RCN2: variants seen among roughly 807,000 people sequenced by gnomAD.
The protein encoded by RCN2 is reticulocalbin 2.
Under a neutral mutation model 37.5 loss-of-function variants are expected in RCN2, and 23 were observed. That is an observed-to-expected ratio of 0.61 (90% CI 0.44 to 0.87). RCN2 has a LOEUF of 0.87. Among genes scored for constraint, RCN2 ranks in the 40% least tolerant of loss-of-function variants. The probability of loss-of-function intolerance (pLI) is 0.00; values close to 1 mark genes in which losing one functional copy is unlikely to be tolerated. For synonymous variants in RCN2, 140 were observed against 144.6 expected, an observed-to-expected ratio of 0.97 and a Z score of 0.23; for missense variants, 381 against 390.4, an observed-to-expected ratio of 0.98 and a Z score of 0.20.
At position 76,950,745 on chromosome 15, in the gene RCN2, A is replaced by G. The variant is rs1438748384; in HGVS notation, c.*1523A>G. The G allele has an allele frequency of 6.6e-6, 1 of 152,104 alleles. No homozygotes were observed. The highest frequency in any genetic ancestry group is 1.5e-5 in the Non-Finnish European group (1 of 68,012). The allele number at this position is 152,104 out of a possible 1,614,324, so 9.4% of individuals were successfully genotyped here. Reference sequence around the variant, plus strand: ...TTGTGGGTGAAGAGGTCAGCTATGCATTCTCTTAATCACTTTCCAGCCTAA... The same window carrying G: ...TTGTGGGTGAAGAGGTCAGCTATGCGTTCTCTTAATCACTTTCCAGCCTAA... On this transcript the variant is annotated 3_prime_UTR_variant, in exon 7 of 7. Coordinates refer to ENST00000394885, the MANE Select transcript of RCN2 (RefSeq NM_002902.3).
rs939735986 is a variant in RCN2, at chr15:76,949,435, A to G, written c.*213A>G. ...TGTATTGAAGCAACAAAATATTAAT[A>G]TTGTGCCATATGACAACAAAGTCTT... On this transcript the variant is annotated 3_prime_UTR_variant, in exon 7 of 7. Transcript: ENST00000394885. 7.8e-6 allele frequency: 3 copies of G among 383,412 alleles called. No homozygotes were observed. The highest frequency in any genetic ancestry group is 4.2e-5 in the African/African-American group (2 of 48,106). 23.8% of individuals were successfully genotyped at this position (383,412 alleles called of 1,614,324 possible).
At chr15:76,946,596 A>G (rs1293435135) in intron 4 of RCN2, among the ~76,000 whole-genome samples, 1 of 152,228 alleles carries the variant, frequency 6.6e-6, no homozygotes, top group African/African-American at 2.4e-5. Flanking sequence ...TACTAAAAAT[A>G]TAAAAGTTAG....
At chr15:76,937,773 T>A (rs1173428989) in intron 3 of RCN2, among the ~76,000 whole-genome samples, 1 of 152,208 alleles carries the variant, frequency 6.6e-6, no homozygotes, top group Non-Finnish European at 1.5e-5. Flanking sequence ...TGGTTTAATT[T>A]GTTGAAATAT....
chr15:76,953,577 ATATATATATATATATATTTTTTTTTTT>A lies in RCN2; in HGVS notation c.*4357_*4383del, dbSNP rs2075332418. ...ATTCTATATATATATATATATATATATATATATATATATATATTTTTTTTTTTTTTTTTTTTTTTTTTTTTTTTGAGA... is the reference window on the plus strand; with the variant it reads ...ATTCTATATATATATATATATATATATTTTTTTTTTTTTTTTTTTTTGAGA... On this transcript the variant is annotated 3_prime_UTR_variant, in exon 7 of 7. Transcript: ENST00000394885. 1 of 16,956 alleles carries A rather than the reference ATATATATATATATATATTTTTTTTTTT, an allele frequency of 5.9e-5. No individual in the cohort carries two copies. Among genetic ancestry groups the A allele is most frequent in the African/African-American group, 2.5e-4 (1 of 3,944 alleles). The allele number at this position is 16,956 out of a possible 1,614,324, so 1.1% of individuals were successfully genotyped here. A position where few individuals can be genotyped will look rare whatever the true frequency, so the allele number is the denominator to read the frequency against.
chr15:76,941,734 T>A, intron 3 of RCN2: 1 of 1,060,634 alleles, frequency 9.4e-7, no homozygotes, highest in Non-Finnish European at 1.3e-6. Context: ...CCGTGAAATG[T>A]GAACCAGAAA....
chr15:76,942,507 A>T (rs539373455), intron 3 of RCN2: 2 of 152,296 alleles, frequency 1.3e-5, no homozygotes, highest in South Asian at 2.1e-4. Flanking sequence ...AATCATTTTT[A>T]AAAAGGGGGG....
intron 3 of RCN2, among the ~76,000 whole-genome samples, chr15:76,938,087 A>G (rs1840792695): frequency 6.6e-6 from 1 of 152,222 alleles, no homozygotes; most frequent in Admixed American, 6.5e-5. Context: ...TTTTTTTAAG[A>G]TAGTTTTTAT....
chr15:76,932,220 G>C (rs959686930), intron 1 of RCN2, 141 bp from the exon 2 acceptor site: 2 of 744,896 alleles, frequency 2.7e-6, no homozygotes, highest in African/African-American at 3.5e-5. Context: ...GGGTGTGTAG[G>C]GGGTAGGGGC....
In RCN2 at chr15:76,949,228, G is replaced by A. The variant is rs371890911; in HGVS notation, c.*6G>A. ...TCTATCATGATGAGCTTTAATCTCT[G>A]AGCCTGTCTCAGTAGAGTACTGGCT... On this transcript the variant is annotated 3_prime_UTR_variant, in exon 7 of 7. Coordinates refer to ENST00000394885, the MANE Select transcript of RCN2 (RefSeq NM_002902.3). 662 of 1,588,962 alleles carry A rather than the reference G, an allele frequency of 4.2e-4. 1 individual carries two copies. The highest frequency in any genetic ancestry group is 1.2e-3 in the South Asian group (103 of 86,932).
chr15:76,942,474 A>G (rs2075279889), intron 3 of RCN2: 1 of 152,340 alleles, frequency 6.6e-6, no homozygotes, highest in East Asian at 1.9e-4. Context: ...TATCAAAAGC[A>G]GCCTTGTCCC....
chr15:76,953,690 C>T lies in RCN2; in HGVS notation c.*4468C>T, dbSNP rs541499224. The T allele has an allele frequency of 2.1e-5, 3 of 140,760 alleles. No individual in the cohort carries two copies. The Admixed American group carries it at 2.2e-4, about 10-fold the overall frequency. The allele number at this position is 140,760 out of a possible 1,614,324, so 8.7% of individuals were successfully genotyped here. A position where few individuals can be genotyped will look rare whatever the true frequency, so the allele number is the denominator to read the frequency against. Reference sequence around the variant, plus strand: ...TGGCGCGATCTCGGCTCACTGCAGGCTCCGCCTCCCGGGTTCACACCATTC... The same window carrying T: ...TGGCGCGATCTCGGCTCACTGCAGGTTCCGCCTCCCGGGTTCACACCATTC... On this transcript the variant is annotated 3_prime_UTR_variant, in exon 7 of 7. Transcript: ENST00000394885.
At chr15:76,938,112 A>G (rs1237722681) in intron 3 of RCN2, among the ~76,000 whole-genome samples, 3 of 152,198 alleles carry the variant, frequency 2.0e-5, no homozygotes, top group Admixed American at 6.5e-5. Context: ...AGAAAAACAT[A>G]AAAATAAAAT....
At chr15:76,949,049 C>G in intron 6 of RCN2, 21 bp from the exon 7 acceptor site, 2 of 1,579,334 alleles carry the variant, frequency 1.3e-6, no homozygotes, top group South Asian at 1.2e-5. Flanking sequence ...ACACTTGACA[C>G]TTTTTTGTTT....
At position 76,940,214 on chromosome 15, in the gene RCN2, C is replaced by T. The variant is rs182446514; in HGVS notation, c.448-3544C>T. The stretch of plus-strand genomic sequence containing the variant: ...AACTTCCTGTGTGTATGTGTAGTCC[C>T]AGCTGCTCAGGAGGCTGAAGTAGGA... On this transcript the variant is annotated intron_variant, in intron 3 of 6. Coordinates refer to ENST00000394885, the MANE Select transcript of RCN2 (RefSeq NM_002902.3). Among the ~76,000 whole-genome samples the T allele has an allele frequency of 1.5e-3, 220 of 151,554 alleles. 7 individuals carry two copies. In the East Asian group the frequency reaches 0.033, roughly 23 times the overall value.
intron 4 of RCN2, among the ~76,000 whole-genome samples, chr15:76,946,536 G>C (rs1311493612): frequency 1.3e-5 from 2 of 152,226 alleles, no homozygotes; most frequent in Non-Finnish European, 2.9e-5. Context: ...CAGATCATCC[G>C]AGGTTAGGAG....
chr15:76,953,584 TA>T lies in RCN2; in HGVS notation c.*4363del, dbSNP rs1568463519. 20 of 23,230 alleles carry T rather than the reference TA, an allele frequency of 8.6e-4. No homozygotes were observed. The highest frequency in any genetic ancestry group is 1.3e-3 in the Non-Finnish European group (14 of 11,056). The allele number at this position is 23,230 out of a possible 1,614,324, so 1.4% of individuals were successfully genotyped here. A position where few individuals can be genotyped will look rare whatever the true frequency, so the allele number is the denominator to read the frequency against. On this transcript the variant is annotated 3_prime_UTR_variant, in exon 7 of 7. Coordinates refer to ENST00000394885, the MANE Select transcript of RCN2 (RefSeq NM_002902.3). Reference sequence around the variant, plus strand: ...ATATATATATATATATATATATATATATATATATATTTTTTTTTTTTTTTTT... The same window carrying T: ...ATATATATATATATATATATATATATTATATATATTTTTTTTTTTTTTTTT...
At position 76,950,386 on chromosome 15, in the gene RCN2, C is replaced by CTTTTTTT. The variant is rs67783519; in HGVS notation, c.*1178_*1184dup. On this transcript the variant is annotated 3_prime_UTR_variant, in exon 7 of 7. Transcript: ENST00000394885. ...TGATGTACAGAGATTGTTTTTCATT[C>CTTTTTTT]TTTTTTTTTTTTTTTTTTTTGTGAC... is the stretch of plus-strand genomic sequence containing the variant. 4.7e-5 allele frequency: 5 copies of CTTTTTTT among 105,460 alleles called. No individual in the cohort carries two copies. Among genetic ancestry groups the CTTTTTTT allele is most frequent in the Non-Finnish European group, 7.5e-5 (4 of 53,654 alleles). 6.5% of individuals were successfully genotyped at this position (105,460 alleles called of 1,614,324 possible).
In RCN2 at chr15:76,947,484, G is replaced by A. The variant is rs748216713; in HGVS notation, c.625G>A (p.Glu209Lys). Reference sequence around the variant, plus strand: ...AAATGGTGATGGATTTGTTAGTTTGGAAGAATTTCTTGGTGATTACAGGTG... The same window carrying A: ...AAATGGTGATGGATTTGTTAGTTTGAAAGAATTTCTTGGTGATTACAGGTG... Reference protein sequence around the residue: ...DKNGDGFVSLEEFLGDYRWDP... With the variant: ...DKNGDGFVSLKEFLGDYRWDP... Residue 209 changes from glutamate to lysine, a missense_variant, in exon 5 of 7, where the codon GAA (glutamate) becomes AAA (lysine). Glu to Lys is a moderately conservative substitution (Grantham distance 56). Transcript: ENST00000394885. 1.2e-6 allele frequency: 2 copies of A among 1,610,058 alleles called. No individual in the cohort carries two copies. Among genetic ancestry groups the A allele is most frequent in the Admixed American group, 1.7e-5 (1 of 59,316 alleles).
intron 2 of RCN2, among the ~76,000 whole-genome samples, chr15:76,935,247 C>T (rs1482058240): frequency 1.3e-5 from 2 of 152,060 alleles, no homozygotes; most frequent in South Asian, 2.1e-4. Context: ...TCGTTTGAAC[C>T]GGGAGGCAGA....
Sources: allele counts gnomAD v4.1 joint callset (sites outside exome capture counted in the v4.1 genomes callset), GRCh38; gene constraint gnomAD v4.1.1; transcripts MANE v1.5; gene names NCBI Gene and HGNC (gene_info 2026-07-23, HGNC 2026-07-21).